CNOT4: variants seen among roughly 807,000 people sequenced by gnomAD.
CNOT4 encodes the protein CCR4-associated factor 4.
Under a neutral mutation model 73.8 loss-of-function variants are expected in CNOT4, and 8 were observed. The ratio of observed to expected loss-of-function variants is 0.11; its 90% CI spans 0.06 to 0.20. The LOEUF (loss-of-function observed/expected upper bound fraction) is 0.20, where lower values mean the gene tolerates loss of function less well. Among genes scored for constraint, CNOT4 ranks in the 10% least tolerant of loss-of-function variants. The pLI, the probability that CNOT4 is intolerant of heterozygous loss-of-function variation, is 1.00. For missense variants in CNOT4, 564 were observed against 883.4 expected (o/e 0.64, Z 4.58); for synonymous variants, 293 against 321.1 (o/e 0.91, Z 0.94).
At chr7:135,435,742 G>A (rs765372595) in intron 2 of CNOT4, among the ~76,000 whole-genome samples, 1 of 152,074 alleles carries the variant, frequency 6.6e-6, no homozygotes, top group African/African-American at 2.4e-5. Flanking sequence ...GCCTATAAAT[G>A]CTATTTCTGT....
intron 2 of CNOT4, among the ~76,000 whole-genome samples, chr7:135,425,149 CA>C (rs1449734609): frequency 6.6e-6 from 1 of 152,086 alleles, no homozygotes; most frequent in African/African-American, 2.4e-5. Context: ...CCTCAACAGA[CA>C]GGGGAAAAGA....
chr7:135,492,194 T>TA (rs1186405564), intron 1 of CNOT4, among the ~76,000 whole-genome samples: 1 of 151,850 alleles, frequency 6.6e-6, no homozygotes, highest in Non-Finnish European at 1.5e-5. Context: ...ACTAAGAAAA[T>TA]AGAGTACAAT....
intron 1 of CNOT4, among the ~76,000 whole-genome samples, chr7:135,468,006 A>G (rs1431801138): frequency 6.6e-6 from 1 of 151,820 alleles, no homozygotes; most frequent in Non-Finnish European, 1.5e-5. Context: ...ACGAGGTCAG[A>G]AGATTGAGAC....
In CNOT4 at chr7:135,366,313, T is replaced by C. The variant is rs1353045490; in HGVS notation, c.1628-2247A>G. On this transcript the variant is annotated intron_variant, in intron 10 of 11. Coordinates refer to ENST00000541284, the MANE Select transcript of CNOT4 (RefSeq NM_001190850.2). ...CATTTACATAAATCTTATTTGAAAATTAGTAATAAAGTCAAAAGACAATAA... is the reference window on the plus strand; with the variant it reads ...CATTTACATAAATCTTATTTGAAAACTAGTAATAAAGTCAAAAGACAATAA... Among the ~76,000 whole-genome samples, 3 of 152,268 alleles carry C rather than the reference T, an allele frequency of 2.0e-5. No individual in the cohort carries two copies. The East Asian group carries it at 5.8e-4, about 29-fold the overall frequency.
chr7:135,395,579 T>C, intron 9 of CNOT4, 55 bp downstream of exon 9: 1 of 1,538,116 alleles, frequency 6.5e-7, no homozygotes. Context: ...CATGTTAGTC[T>C]GTCAACAATA....
chr7:135,414,308 A>G, intron 5 of CNOT4, 23 bp downstream of exon 5: 2 of 853,362 alleles, frequency 2.3e-6, no homozygotes, highest in East Asian at 2.4e-5. Flanking sequence ...AAAAAAAAAA[A>G]AGAATCAAGA....
chr7:135,389,700 A>C (rs1796304138), intron 10 of CNOT4, among the ~76,000 whole-genome samples: 1 of 152,174 alleles, frequency 6.6e-6, no homozygotes, highest in Non-Finnish European at 1.5e-5. Context: ...AAAAAAATCC[A>C]ATCCTAAACA....
chr7:135,496,531 T>C (rs118184280), intron 1 of CNOT4, among the ~76,000 whole-genome samples: 113 of 152,054 alleles, frequency 7.4e-4, no homozygotes, highest in Non-Finnish European at 1.3e-3. Context: ...TCTATTCTCA[T>C]TCTCCTCGAA....
At chr7:135,418,291 T>C (rs1031618542) in intron 3 of CNOT4, among the ~76,000 whole-genome samples, 2 of 152,218 alleles carry the variant, frequency 1.3e-5, no homozygotes, top group Non-Finnish European at 2.9e-5. Flanking sequence ...TCTAGTGAAC[T>C]AACAAAGGTT....
At chr7:135,488,058 G>C (rs1017581324) in intron 1 of CNOT4, among the ~76,000 whole-genome samples, 1 of 150,718 alleles carries the variant, frequency 6.6e-6, no homozygotes, top group Non-Finnish European at 1.5e-5. Context: ...GAGACTCCGA[G>C]ACTCCGTCTC....
intron 1 of CNOT4, chr7:135,444,707 G>C: frequency 7.8e-7 from 1 of 1,274,364 alleles, no homozygotes; most frequent in East Asian, 2.3e-5. Context: ...CTGCTTGTTT[G>C]AATCCTTGCT....
In CNOT4 at chr7:135,402,433, A is replaced by C. The variant is rs78053382; in HGVS notation, c.822-4207T>G. On this transcript the variant is annotated intron_variant, in intron 7 of 11. Coordinates refer to ENST00000541284, the MANE Select transcript of CNOT4 (RefSeq NM_001190850.2). ...TGAGATTACATATTTCTTAGGAGGA[A>C]ATATTTGTAAATTAACCCAAAAGGG... 1.6e-4 allele frequency among the ~76,000 whole-genome samples: 24 copies of C among 152,254 alleles called. No homozygotes were observed. The East Asian group carries it at 4.6e-3, about 29-fold the overall frequency.
intron 7 of CNOT4, among the ~76,000 whole-genome samples, chr7:135,403,094 T>A (rs994531941): frequency 1.3e-5 from 2 of 152,214 alleles, no homozygotes; most frequent in African/African-American, 4.8e-5. Context: ...AAACAAAATA[T>A]AAAATTTACT....
intron 10 of CNOT4, among the ~76,000 whole-genome samples, chr7:135,371,223 A>G (rs545368906): frequency 1.3e-5 from 2 of 152,346 alleles, no homozygotes; most frequent in East Asian, 3.9e-4. Context: ...GTCAGCAATT[A>G]AAATCAGTCT....
intron 1 of CNOT4, among the ~76,000 whole-genome samples, chr7:135,505,986 T>A (rs964837770): frequency 2.0e-5 from 3 of 152,220 alleles, no homozygotes; most frequent in African/African-American, 7.2e-5. Context: ...GTCCCACATA[T>A]CTTCTTTCCT....
At chr7:135,473,489 T>A (rs1801774335) in intron 1 of CNOT4, among the ~76,000 whole-genome samples, 1 of 152,210 alleles carries the variant, frequency 6.6e-6, no homozygotes, top group East Asian at 1.9e-4. Context: ...GGCTCACACC[T>A]GTAACCCCAA....
chr7:135,423,772 C>T (rs1443223730), intron 2 of CNOT4, among the ~76,000 whole-genome samples: 1 of 151,996 alleles, frequency 6.6e-6, no homozygotes, highest in South Asian at 2.1e-4. Context: ...CACTTGATTC[C>T]CACATTAAGA....
intron 1 of CNOT4, among the ~76,000 whole-genome samples, chr7:135,451,372 C>A (rs953584420): frequency 2.6e-5 from 4 of 152,174 alleles, no homozygotes; most frequent in African/African-American, 9.7e-5. Context: ...TGGCTCATTG[C>A]AGCATCCACC....
chr7:135,442,949 C>T (rs2129485525), intron 1 of CNOT4, among the ~76,000 whole-genome samples: 1 of 152,118 alleles, frequency 6.6e-6, no homozygotes, highest in South Asian at 2.1e-4. Flanking sequence ...GTTCCAGCTA[C>T]TTGGGAGACT....
Sources: gnomAD v4.1 joint callset for allele counts (sites outside exome capture counted in the v4.1 genomes callset) on GRCh38, gnomAD v4.1.1 for gene constraint, MANE v1.5 for transcripts, NCBI Gene and HGNC (gene_info 2026-07-23, HGNC 2026-07-21) for gene names.